CUL9: variants seen among roughly 807,000 people sequenced by gnomAD.
CUL9 encodes cullin 9, also known as cullin-9.
In CUL9, 79 loss-of-function variants were observed where a neutral mutation model predicts 272.6. The ratio of observed to expected loss-of-function variants is 0.29; its 90% CI spans 0.24 to 0.35. The LOEUF (loss-of-function observed/expected upper bound fraction) is 0.35. CUL9 is among the 10% of genes least tolerant of loss of function. The pLI is 1.00. For missense variants in CUL9, 2,532 were observed against 3,255.6 expected (o/e 0.78, Z 5.41); for synonymous variants, 1,186 against 1,286.5 (o/e 0.92, Z 1.67).
At chr6:43,204,151 C>A in intron 20 of CUL9, 164 bp downstream of exon 20, 1 of 1,074,234 alleles carries the variant, frequency 9.3e-7, no homozygotes, top group Non-Finnish European at 1.3e-6. Context: ...CTCCCTGAGA[C>A]TCTGGTATTT....
At chr6:43,198,512 A>C in intron 11 of CUL9, 97 bp from the exon 12 acceptor site, 1 of 1,537,366 alleles carries the variant, frequency 6.5e-7, no homozygotes, top group Non-Finnish European at 8.8e-7. Flanking sequence ...ATAGAAGGAA[A>C]ATTTTGGGGT....
In CUL9 at chr6:43,199,860, C is replaced by T. The variant is rs115576437; in HGVS notation, c.3157-69C>T. ...AGCCACGACACTTCCTTTACTGAAC[C>T]CTCTCCTCAATCCTTACATGTCCTA... is the stretch of plus-strand genomic sequence containing the variant. On this transcript the variant is annotated intron_variant, in intron 13 of 40. Transcript: ENST00000252050. The surrounding 1 kb of genome is among the most constrained non-coding windows in gnomAD (Gnocchi z 4.4). The T allele has an allele frequency of 5.5e-6, 7 of 1,267,500 alleles. No individual in the cohort carries two copies. The Admixed American group carries it at 1.2e-4, about 22-fold the overall frequency. 78.5% of individuals were successfully genotyped at this position (1,267,500 alleles called of 1,614,324 possible).
In CUL9 at chr6:43,203,649, G is replaced by A; in HGVS notation, c.4025+57G>A. ...AGGGAACAGGACACTGTGAGAAGTA[G>A]GAGGGATGCTCCTGTGGGAGTCCGG... On this transcript the variant is annotated intron_variant, in intron 19 of 40. Coordinates refer to ENST00000252050, the MANE Select transcript of CUL9 (RefSeq NM_015089.4). The surrounding 1 kb of genome is among the most constrained non-coding windows in gnomAD (Gnocchi z 5.0). 6.3e-7 allele frequency: 1 copy of A among 1,575,298 alleles called. No individual in the cohort carries two copies. Among genetic ancestry groups the A allele is most frequent in the Non-Finnish European group, 8.6e-7 (1 of 1,158,030 alleles).
At position 43,206,330 on chromosome 6, in the gene CUL9, G is replaced by A. The variant is rs1775043175; in HGVS notation, c.5032G>A (p.Glu1678Lys). Reference protein sequence around the residue: ...KRLEEEEEEEEEEEAEKELFI... With the variant: ...KRLEEEEEEEKEEEAEKELFI... Reference sequence around the variant, plus strand: ...TCCTTCTGTCCCTCAGGAGGAAGAGGAGGAAGAGGAAGCTGAGAAAGAATT... The same window carrying A: ...TCCTTCTGTCCCTCAGGAGGAAGAGAAGGAAGAGGAAGCTGAGAAAGAATT... Residue 1678 changes from glutamate (E) to lysine (K), a missense_variant, in exon 26 of 41, where the codon GAG becomes AAG. Glu to Lys is a moderately conservative substitution (Grantham distance 56). Transcript: ENST00000252050. This position sits in a 1 kb window ranked among gnomAD's most constrained non-coding sequence, Gnocchi z 4.8. 3 of 1,614,180 alleles carry A rather than the reference G, an allele frequency of 1.9e-6. No individual in the cohort carries two copies. The highest frequency in any genetic ancestry group is 2.5e-6 in the Non-Finnish European group (3 of 1,180,016).
Position 43,221,309 on chromosome 6 carries a change from A to C in CUL9, c.6740A>C (p.Glu2247Ala). 1.3e-6 allele frequency: 2 copies of C among 1,594,186 alleles called. No individual in the cohort carries two copies. Among genetic ancestry groups the C allele is most frequent in the Non-Finnish European group, 1.7e-6 (2 of 1,174,802 alleles). ...TGTCAGGCTCCCATCGAGAAGAACG[A>C]GGGGTGCCTGCAGTAAGAAGGGGGG... ...PSCQAPIEKN[E>A]GCLHMTCAKC... Residue 2247 changes from glutamate (E) to alanine (A), a missense_variant, in exon 34 of 41, where the codon GAG (glutamate) becomes GCG (alanine). Physicochemically the swap from Glu to Ala is moderately radical, Grantham distance 107. This residue lies in a region of CUL9 where 77 missense variants were observed against 161.1 expected (regional missense o/e 0.48). Transcript: ENST00000252050. The surrounding 1 kb of genome is among the most constrained non-coding windows in gnomAD (Gnocchi z 4.2).
rs749941814 is a variant in CUL9 at position 43,196,087 on chromosome 6, G to A, written c.2407G>A (p.Val803Ile). The change falls in exon 10 of 41, where the codon GTC (valine) becomes ATC (isoleucine). Residue 803 changes from valine to isoleucine, a missense_variant. This residue lies in a region of CUL9 where 2,218 missense variants were observed against 2,788.6 expected (regional missense o/e 0.80). Coordinates refer to ENST00000252050, the MANE Select transcript of CUL9 (RefSeq NM_015089.4). ...CTCACAGGCACTGAAGATGCTGGCC[G>A]TCGCCAGCTCCTCGGAGATCCCCAC... is the stretch of plus-strand genomic sequence containing the variant. ...AGLAALKMLA[V>I]ASSSEIPTFV... is the part of the protein sequence containing the mutation. 1.1e-5 allele frequency: 18 copies of A among 1,613,020 alleles called. No homozygotes were observed. The highest frequency in any genetic ancestry group is 2.2e-5 in the East Asian group (1 of 44,872).
chr6:43,195,887 C>T (rs1404883428), intron 9 of CUL9, among the ~76,000 whole-genome samples, 182 bp from the exon 10 acceptor site: 2 of 151,890 alleles, frequency 1.3e-5, no homozygotes, highest in Non-Finnish European at 2.9e-5. Context: ...TCCTTCCTCC[C>T]TCCCTCCTTC....
intron 22 of CUL9, 22 bp from the exon 23 acceptor site, chr6:43,204,911 C>A: frequency 6.2e-7 from 1 of 1,608,652 alleles, no homozygotes; most frequent in Non-Finnish European, 8.5e-7. Context: ...CCTTTTATGT[C>A]ATTTCTTGCC....
At position 43,200,599 on chromosome 6, in the gene CUL9, A is replaced by C; in HGVS notation, c.3476-64A>C. 1 of 1,612,710 alleles carries C rather than the reference A, an allele frequency of 6.2e-7. No homozygotes were observed. The highest frequency in any genetic ancestry group is 8.5e-7 in the Non-Finnish European group (1 of 1,179,356). ...CTCCCCTTCCCTTCCTGCTCCTTAG[A>C]CCTTTTCCTTTTTCCTCTCAACTAA... On this transcript the variant is annotated intron_variant, in intron 15 of 40. Coordinates refer to ENST00000252050, the MANE Select transcript of CUL9 (RefSeq NM_015089.4). The surrounding 1 kb of genome is among the most constrained non-coding windows in gnomAD (Gnocchi z 4.0).
At position 43,221,280 on chromosome 6, in the gene CUL9, C is replaced by G. The variant is rs141003070; in HGVS notation, c.6711C>G (p.Pro2237=). The G allele has an allele frequency of 4.1e-5, 66 of 1,610,428 alleles. No homozygotes were observed. In the African/African-American group the frequency reaches 7.2e-4, roughly 18 times the overall value. Residue 2237 remains proline (P), a synonymous_variant, in exon 34 of 41, where the codon CCC becomes CCG. Transcript: ENST00000252050. The surrounding 1 kb of genome is among the most constrained non-coding windows in gnomAD (Gnocchi z 4.2). The stretch of plus-strand genomic sequence containing the variant: ...CCAAGCTCATCTCCAAGCGCTGTCC[C>G]AGCTGTCAGGCTCCCATCGAGAAGA... The part of the protein sequence containing the change: ...HLAKLISKRC[P]SCQAPIEKNE...
intron 11 of CUL9, 23 bp downstream of exon 11, chr6:43,196,885 T>G: frequency 6.3e-7 from 1 of 1,599,468 alleles, no homozygotes; most frequent in Non-Finnish European, 8.6e-7. Flanking sequence ...AGGGGTGGTT[T>G]TGCAGAGGAA....
chr6:43,196,982 A>AGTT, intron 11 of CUL9, 120 bp downstream of exon 11: 2 of 807,138 alleles, frequency 2.5e-6, no homozygotes, highest in Non-Finnish European at 3.9e-6. Flanking sequence ...ATTGTGCTCA[A>AGTT]GTTAGGTCTT....
chr6:43,223,512 T>G lies in CUL9; in HGVS notation c.7284+115T>G. On this transcript the variant is annotated intron_variant, in intron 39 of 40. Transcript: ENST00000252050. This position sits in a 1 kb window ranked among gnomAD's most constrained non-coding sequence, Gnocchi z 4.1. ...CCAGAAGGAAAGGCAGCAAAGCGGG[T>G]GAATGGATGTTAGACCTGGGCGCAC... 1 of 1,396,034 alleles carries G rather than the reference T, an allele frequency of 7.2e-7. No homozygotes were observed. Among genetic ancestry groups the G allele is most frequent in the South Asian group, 1.4e-5 (1 of 70,554 alleles). 86.5% of individuals were successfully genotyped at this position (1,396,034 alleles called of 1,614,324 possible). A position where few individuals can be genotyped will look rare whatever the true frequency, so the allele number is the denominator to read the frequency against.
Position 43,218,495 on chromosome 6 carries a change from C to T in CUL9, c.6283-1964C>T, listed in dbSNP as rs1375348838. 3.3e-5 allele frequency among the ~76,000 whole-genome samples: 5 copies of T among 152,186 alleles called. No individual in the cohort carries two copies. Among genetic ancestry groups the T allele is most frequent in the South Asian group, 2.1e-4 (1 of 4,832 alleles). ...CCTCCCAAAGTGCTGGAATTACAGG[C>T]GTGAGCCACTGCGCCCGGCCCTACA... On this transcript the variant is annotated intron_variant, in intron 31 of 40. Transcript: ENST00000252050. The surrounding 1 kb of genome is among the most constrained non-coding windows in gnomAD (Gnocchi z 4.4).
rs1407970079 is a variant in CUL9 at position 43,204,804 on chromosome 6, A to G, written c.4396A>G (p.Ser1466Gly). 2.5e-6 allele frequency: 4 copies of G among 1,614,226 alleles called. No individual in the cohort carries two copies. The highest frequency in any genetic ancestry group is 1.7e-5 in the Admixed American group (1 of 60,034). ...RSPAPSPVLP[S>G]SSLRNITQCW... ...CCCGGCGCCTTCGCCAGTGCTTCCA[A>G]GCAGCAGCCTGAGGAACATAACCCA... Residue 1466 changes from serine (S) to glycine (G), a missense_variant, in exon 22 of 41, where the codon AGC becomes GGC. Around this residue, in one of 3 missense-constraint regions of CUL9, gnomAD observed 2,218 missense variants for 2,788.6 expected, o/e 0.80. Coordinates refer to ENST00000252050, the MANE Select transcript of CUL9 (RefSeq NM_015089.4).
chr6:43,201,897 T>C (rs1774607884), intron 16 of CUL9, among the ~76,000 whole-genome samples: 1 of 152,184 alleles, frequency 6.6e-6, no homozygotes. Flanking sequence ...GGGAGAGCCA[T>C]TGGAAGATTT....
rs769599610 is a variant in CUL9, at chr6:43,224,413, G to A, written c.7522G>A (p.Glu2508Lys). 1.2e-6 allele frequency: 2 copies of A among 1,614,076 alleles called. No individual in the cohort carries two copies. Among genetic ancestry groups the A allele is most frequent in the Non-Finnish European group, 1.7e-6 (2 of 1,180,022 alleles). The change falls in exon 41 of 41, where the codon GAG (glutamate) becomes AAG (lysine). Residue 2508 changes from glutamate to lysine, a missense_variant. Coordinates refer to ENST00000252050, the MANE Select transcript of CUL9 (RefSeq NM_015089.4). The surrounding 1 kb of genome is among the most constrained non-coding windows in gnomAD (Gnocchi z 4.2). Reference protein sequence around the residue: ...LDQETFFFGDEEEDEDEAYD With the variant: ...LDQETFFFGDKEEDEDEAYD ...CCAAGAGACTTTCTTCTTTGGTGATGAGGAAGAGGATGAAGATGAGGCCTA... is the reference window on the plus strand; with the variant it reads ...CCAAGAGACTTTCTTCTTTGGTGATAAGGAAGAGGATGAAGATGAGGCCTA...
intron 31 of CUL9, 88 bp downstream of exon 31, chr6:43,216,591 A>G (rs529026478): frequency 9.7e-6 from 12 of 1,240,914 alleles, no homozygotes; most frequent in Middle Eastern, 4.1e-4. Flanking sequence ...CTAGCCCAGC[A>G]CTGCCATTTT....
chr6:43,210,269 C>T (rs1206719408), intron 26 of CUL9, among the ~76,000 whole-genome samples: 1 of 152,190 alleles, frequency 6.6e-6, no homozygotes, highest in Non-Finnish European at 1.5e-5. Context: ...AGCCACCATG[C>T]CTGGCCGACA....
Sources: gnomAD v4.1 joint callset for allele counts (sites outside exome capture counted in the v4.1 genomes callset) on GRCh38, gnomAD v4.1.1 for gene constraint, gnomAD v4.1.1 regional missense constraint, Gnocchi (gnomAD v3.1) non-coding constraint, MANE v1.5 for transcripts, NCBI Gene and HGNC (gene_info 2026-07-23, HGNC 2026-07-21) for gene names.